Variants in CALN1 observed in about 807,000 individuals in gnomAD.
CALN1 encodes the protein calneuron 1.
Under a neutral mutation model 30.6 loss-of-function variants are expected in CALN1, and 17 were observed. The ratio of observed to expected loss-of-function variants is 0.56; its 90% CI spans 0.38 to 0.83. The LOEUF (loss-of-function observed/expected upper bound fraction) is 0.83. CALN1 is among the 40% of genes least tolerant of loss of function. The pLI is 0.00. For synonymous variants in CALN1, 156 were observed against 131.4 expected (o/e 1.19, Z -1.28); for missense variants, 291 against 354.9 (o/e 0.82, Z 1.45).
At position 71,784,234 on chromosome 7, in the gene CALN1, A is replaced by C. The variant is rs1792866768; in HGVS notation, c.*3541T>G. 1.3e-5 allele frequency: 2 copies of C among 152,202 alleles called. No homozygotes were observed. Among genetic ancestry groups the C allele is most frequent in the South Asian group, 4.1e-4 (2 of 4,830 alleles). 9.4% of individuals were successfully genotyped at this position (152,202 alleles called of 1,614,324 possible). ...GCTCTCCTGAGTAAATAGAAGGACA[A>C]GTTCAAATGCCAGACAAAAAGGCAG... On this transcript the variant is annotated 3_prime_UTR_variant, in exon 7 of 7. Transcript: ENST00000395275.
chr7:72,049,669 G>A (rs569815091), intron 4 of CALN1, among the ~76,000 whole-genome samples: 169 of 151,986 alleles, frequency 1.1e-3, no homozygotes, highest in Admixed American at 1.7e-3. Context: ...CACCACGCCC[G>A]GCTATTTTTT....
intron 2 of CALN1, among the ~76,000 whole-genome samples, chr7:72,331,941 G>A (rs941477384): frequency 2.0e-5 from 3 of 152,152 alleles, no homozygotes; most frequent in African/African-American, 7.2e-5. Flanking sequence ...ACTTATAAGT[G>A]AGAACATGCA....
At chr7:71,940,877 G>A (rs1298321796) in intron 5 of CALN1, among the ~76,000 whole-genome samples, 1 of 152,126 alleles carries the variant, frequency 6.6e-6, no homozygotes, top group Non-Finnish European at 1.5e-5. Context: ...CTCCCAAGGT[G>A]CTGAGATTAC....
intron 5 of CALN1, among the ~76,000 whole-genome samples, chr7:71,940,995 C>T (rs573011185): frequency 6.8e-4 from 103 of 152,234 alleles, no homozygotes; most frequent in African/African-American, 2.3e-3. Flanking sequence ...ATTTTCCAAA[C>T]AAGACTCCAA....
At chr7:71,988,038 GCAAA>G (rs1296546969) in intron 5 of CALN1, among the ~76,000 whole-genome samples, 1 of 152,110 alleles carries the variant, frequency 6.6e-6, no homozygotes, top group Non-Finnish European at 1.5e-5. Flanking sequence ...ACAGGTGTCA[GCAAA>G]CAGTCTGCAG....
intron 3 of CALN1, among the ~76,000 whole-genome samples, chr7:72,122,405 C>A (rs1808459666): frequency 6.6e-6 from 1 of 152,034 alleles, no homozygotes; most frequent in Non-Finnish European, 1.5e-5. Flanking sequence ...GGCATGGCAC[C>A]ACCTCCCCTG....
intron 3 of CALN1, among the ~76,000 whole-genome samples, chr7:72,201,258 G>A (rs1471409441): frequency 1.3e-5 from 2 of 152,146 alleles, no homozygotes; most frequent in Admixed American, 1.3e-4. Flanking sequence ...GGGAACAAGA[G>A]ATACTGGAGA....
chr7:72,276,963 A>C (rs570670730), intron 3 of CALN1, among the ~76,000 whole-genome samples: 1 of 152,356 alleles, frequency 6.6e-6, no homozygotes, highest in South Asian at 2.1e-4. Flanking sequence ...TCTATGAATC[A>C]GAAAGTGGCC....
chr7:71,802,291 C>T (rs564728378), intron 6 of CALN1, among the ~76,000 whole-genome samples: 6 of 152,284 alleles, frequency 3.9e-5, no homozygotes, highest in Admixed American at 2.0e-4. Flanking sequence ...GATATACATT[C>T]GTCTCAGTGT....
chr7:72,266,298 A>C (rs1796591990), intron 3 of CALN1, among the ~76,000 whole-genome samples: 2 of 152,220 alleles, frequency 1.3e-5, no homozygotes, highest in African/African-American at 4.8e-5. Context: ...TAGTGAGGTA[A>C]GGTTGAAAGC....
intron 4 of CALN1, among the ~76,000 whole-genome samples, chr7:72,054,303 C>A (rs1803036204): frequency 6.6e-6 from 1 of 151,434 alleles, no homozygotes; most frequent in Non-Finnish European, 1.5e-5. Context: ...GCCATTCTTA[C>A]TGGTGTAAGA....
intron 3 of CALN1, among the ~76,000 whole-genome samples, chr7:72,229,009 C>T (rs1484224809): frequency 6.6e-6 from 1 of 150,900 alleles, no homozygotes; most frequent in Non-Finnish European, 1.5e-5. Context: ...AACTCCTGGG[C>T]TCAAGTGATC....
intron 3 of CALN1, among the ~76,000 whole-genome samples, chr7:72,110,312 C>T (rs1475335669): frequency 1.3e-5 from 2 of 152,154 alleles, no homozygotes; most frequent in African/African-American, 4.8e-5. Flanking sequence ...CTCCGAGTTG[C>T]CCCACCTTTG....
rs34825420 is a variant in CALN1 at position 72,160,281 on chromosome 7, GTTT to G, written c.245-53990_245-53988del. ...AAGAACACTATTTATTTTCTTTTTA[GTTT>G]TTTTTTTTTTTTTAAACAGAGTCTC... On this transcript the variant is annotated intron_variant, in intron 3 of 6. Transcript: ENST00000395275. Among the ~76,000 whole-genome samples, 1,077 of 147,040 alleles carry G rather than the reference GTTT, an allele frequency of 7.3e-3. 7 individuals are homozygous for G. Among genetic ancestry groups the G allele is most frequent in the African/African-American group, 0.017 (692 of 40,180 alleles).
At chr7:71,863,534 G>T (rs550497088) in intron 5 of CALN1, among the ~76,000 whole-genome samples, 86 of 123,670 alleles carry the variant, frequency 7.0e-4, no homozygotes, top group Non-Finnish European at 1.0e-3. Flanking sequence ...CTCCAGCCTG[G>T]GCAACAGAAC....
chr7:72,147,118 G>A (rs1388736331), intron 3 of CALN1, among the ~76,000 whole-genome samples: 1 of 152,176 alleles, frequency 6.6e-6, no homozygotes, highest in East Asian at 1.9e-4. Flanking sequence ...ATTGACAAAT[G>A]GGATCTAATT....
At chr7:72,175,589 C>T (rs1196819457) in intron 3 of CALN1, among the ~76,000 whole-genome samples, 1 of 152,114 alleles carries the variant, frequency 6.6e-6, no homozygotes, top group Non-Finnish European at 1.5e-5. Flanking sequence ...GAACAATTTC[C>T]TAACCAGGAA....
chr7:72,204,287 A>G (rs1043360260), intron 3 of CALN1, among the ~76,000 whole-genome samples: 3 of 151,400 alleles, frequency 2.0e-5, no homozygotes, highest in Admixed American at 6.6e-5. Flanking sequence ...GAGCCACCGC[A>G]CCCAGCCAAA....
At chr7:71,914,803 T>C (rs1364878961) in intron 5 of CALN1, among the ~76,000 whole-genome samples, 1 of 152,230 alleles carries the variant, frequency 6.6e-6, no homozygotes, top group Non-Finnish European at 1.5e-5. Flanking sequence ...ATCAGTGATG[T>C]TGAGCTTCTT....
Sources: gnomAD v4.1 joint callset for allele counts (sites outside exome capture counted in the v4.1 genomes callset) on GRCh38, gnomAD v4.1.1 for gene constraint, MANE v1.5 for transcripts, NCBI Gene and HGNC (gene_info 2026-07-23, HGNC 2026-07-21) for gene names.